Variants in TRPC6 observed in about 807,000 individuals in gnomAD.
The protein encoded by TRPC6 is short transient receptor potential channel 6.
A neutral mutation model predicts 90.7 loss-of-function variants in TRPC6; 55 were observed. The observed-to-expected ratio is 0.61, with a 90% CI of 0.49 to 0.76. The LOEUF (loss-of-function observed/expected upper bound fraction) is 0.76. Among genes scored for constraint, TRPC6 ranks in the 30% least tolerant of loss-of-function variants. The pLI is 0.00. For missense variants in TRPC6, 989 were observed against 1,122.7 expected (o/e 0.88, Z 1.70); for synonymous variants, 393 against 393.0 (o/e 1.00, Z 0.00).
In TRPC6 at chr11:101,504,229, C is replaced by T. The variant is rs773114571; in HGVS notation, c.740G>A (p.Arg247Gln). The change falls in exon 2 of 13, where the codon CGG becomes CAG. Residue 247 changes from arginine (R) to glutamine (Q), a missense_variant. By Grantham distance (43) the Arg-to-Gln change is conservative. Transcript: ENST00000344327. Reference protein sequence around the residue: ...TLLRKGARIERPHDYFCKCND... With the variant: ...TLLRKGARIEQPHDYFCKCND... Reference sequence around the variant, plus strand: ...GCACTTGCAGAAATAATCATGAGGCCGTTCAATCCTAGCACCCTTCCGCAG... The same window carrying T: ...GCACTTGCAGAAATAATCATGAGGCTGTTCAATCCTAGCACCCTTCCGCAG... 5.6e-6 allele frequency: 9 copies of T among 1,614,056 alleles called. No homozygotes were observed. The highest frequency in any genetic ancestry group is 3.3e-5 in the South Asian group (3 of 91,072).
At chr11:101,469,307 T>C (rs1859229588) in intron 10 of TRPC6, 120 bp downstream of exon 10, 11 of 650,884 alleles carry the variant, frequency 1.7e-5, no homozygotes, top group Non-Finnish European at 1.4e-5. Flanking sequence ...GTTAAAATAG[T>C]TGAATTATTT....
At chr11:101,463,074 T>C (rs1371190456) in intron 10 of TRPC6, among the ~76,000 whole-genome samples, 1 of 152,188 alleles carries the variant, frequency 6.6e-6, no homozygotes, top group Non-Finnish European at 1.5e-5. Context: ...AATCATGTGG[T>C]TTTTGTCATT....
At chr11:101,571,233 A>G (rs904706105) in intron 1 of TRPC6, among the ~76,000 whole-genome samples, 5 of 152,128 alleles carry the variant, frequency 3.3e-5, no homozygotes, top group Non-Finnish European at 7.4e-5. Context: ...ATAACAGACA[A>G]ACAGACAGCC....
At chr11:101,525,887 A>C (rs72972239) in intron 1 of TRPC6, among the ~76,000 whole-genome samples, 4,021 of 152,306 alleles carry the variant, frequency 0.026, 73 homozygotes, top group Middle Eastern at 0.071. Flanking sequence ...GTGGTGGCCT[A>C]AAGGAGGCAT....
chr11:101,506,150 G>A (rs1860260089), intron 1 of TRPC6, among the ~76,000 whole-genome samples: 1 of 150,374 alleles, frequency 6.7e-6, no homozygotes, highest in African/African-American at 2.5e-5. Context: ...ATTACAATTA[G>A]AGGTTCAACT....
intron 1 of TRPC6, among the ~76,000 whole-genome samples, chr11:101,556,288 G>A (rs1861558978): frequency 6.6e-6 from 1 of 150,936 alleles, no homozygotes; most frequent in Admixed American, 6.6e-5. Flanking sequence ...TATGTTTTTT[G>A]AAAAGAAAAA....
intron 1 of TRPC6, among the ~76,000 whole-genome samples, chr11:101,574,878 G>A (rs946864731): frequency 6.6e-6 from 1 of 152,110 alleles, no homozygotes; most frequent in African/African-American, 2.4e-5. Flanking sequence ...CGATTCCCAT[G>A]AAAAGAACTC....
rs201289003 is a variant in TRPC6 at position 101,471,255 on chromosome 11, C to G, written c.2337G>C (p.Lys779Asn). 2.0e-5 allele frequency: 32 copies of G among 1,613,932 alleles called. 1 individual carries two copies. In the South Asian group the frequency reaches 3.4e-4, roughly 17 times the overall value. Residue 779 changes from lysine (K) to asparagine (N), a missense_variant, in exon 9 of 13, where the codon AAG (lysine) becomes AAC (asparagine). Transcript: ENST00000344327. Reference protein sequence around the residue: ...SPKSLFYLLLKLKKWISELFQ... With the variant: ...SPKSLFYLLLNLKKWISELFQ... Reference sequence around the variant, plus strand: ...ACAGCTCAGAAATCCATTTTTTAAGCTTCAGTAAGAGATAAAACAGGGACT... The same window carrying G: ...ACAGCTCAGAAATCCATTTTTTAAGGTTCAGTAAGAGATAAAACAGGGACT...
intron 1 of TRPC6, among the ~76,000 whole-genome samples, chr11:101,507,476 C>A (rs1383793143): frequency 2.0e-5 from 3 of 151,924 alleles, no homozygotes; most frequent in Admixed American, 2.0e-4. Context: ...TTCTGTATCC[C>A]AGATCTTCTT....
chr11:101,549,309 A>G (rs898735358), intron 1 of TRPC6, among the ~76,000 whole-genome samples: 2 of 151,972 alleles, frequency 1.3e-5, no homozygotes, highest in African/African-American at 4.8e-5. Context: ...TTATTGAAAC[A>G]ATGTGAGGAT....
At chr11:101,519,330 C>T (rs895603207) in intron 1 of TRPC6, among the ~76,000 whole-genome samples, 1 of 152,010 alleles carries the variant, frequency 6.6e-6, no homozygotes, top group Non-Finnish European at 1.5e-5. Flanking sequence ...TATGTACCCA[C>T]AAAAATTTTT....
chr11:101,463,723 T>G (rs7109734), intron 10 of TRPC6, among the ~76,000 whole-genome samples: 1 of 151,678 alleles, frequency 6.6e-6, no homozygotes, highest in Non-Finnish European at 1.5e-5. Context: ...GCCTGGCTAG[T>G]GGTCTATTTT....
chr11:101,465,493 T>C (rs1198149424), intron 10 of TRPC6, among the ~76,000 whole-genome samples: 1 of 152,198 alleles, frequency 6.6e-6, no homozygotes, highest in Non-Finnish European at 1.5e-5. Flanking sequence ...TTCCTTTTCA[T>C]TCTTTTTTTT....
chr11:101,580,734 C>T (rs1311026530), intron 1 of TRPC6, among the ~76,000 whole-genome samples: 1 of 152,112 alleles, frequency 6.6e-6, no homozygotes, highest in East Asian at 1.9e-4. Flanking sequence ...CTTACAAAGA[C>T]TTGGGATCTT....
intron 1 of TRPC6, among the ~76,000 whole-genome samples, chr11:101,579,742 C>G (rs931487351): frequency 3.3e-5 from 5 of 152,100 alleles, no homozygotes; most frequent in African/African-American, 9.7e-5. Flanking sequence ...TCACTGTATG[C>G]TGGTGGGCAT....
At chr11:101,554,298 C>G (rs973389670) in intron 1 of TRPC6, among the ~76,000 whole-genome samples, 15 of 151,888 alleles carry the variant, frequency 9.9e-5, no homozygotes, top group African/African-American at 3.6e-4. Flanking sequence ...AGTAGAGAAG[C>G]TGGAACAACA....
intron 1 of TRPC6, among the ~76,000 whole-genome samples, chr11:101,522,184 C>T (rs1860678175): frequency 6.6e-6 from 1 of 152,252 alleles, no homozygotes; most frequent in East Asian, 1.9e-4. Context: ...AATTGTAATG[C>T]CCAGTGTTGA....
intron 1 of TRPC6, among the ~76,000 whole-genome samples, chr11:101,512,789 T>A (rs1377772147): frequency 3.3e-5 from 5 of 152,180 alleles, no homozygotes; most frequent in Non-Finnish European, 5.9e-5. Flanking sequence ...ACCAGCAAAC[T>A]ATATCCAAAT....
intron 1 of TRPC6, 85 bp from the exon 2 acceptor site, chr11:101,504,883 C>T (rs1860221847): frequency 5.4e-6 from 8 of 1,491,436 alleles, no homozygotes; most frequent in African/African-American, 1.4e-5. Context: ...CTAATACAAT[C>T]CTCAAGTATA....
Sources: allele counts gnomAD v4.1 joint callset (sites outside exome capture counted in the v4.1 genomes callset), GRCh38; gene constraint gnomAD v4.1.1; transcripts MANE v1.5; gene names NCBI Gene and HGNC (gene_info 2026-07-23, HGNC 2026-07-21).